The following P2RX5 variants were observed in gnomAD, a reference collection of about 807,000 sequenced individuals.
P2RX5 encodes P2X purinoceptor 5.
P2RX5 carries 46 observed loss-of-function variants against 54.1 expected under a neutral mutation model. That is an observed-to-expected ratio of 0.85 (90% CI 0.67 to 1.09). The LOEUF is 1.09. Ranked by LOEUF, P2RX5 falls within the 50% of genes least tolerant of loss-of-function variation. P2RX5 has a pLI of 0.00. For synonymous variants in P2RX5, 226 were observed against 226.4 expected (o/e 1.00, Z 0.02); for missense variants, 566 against 549.8 (o/e 1.03, Z -0.29).
chr17:3,689,685 C>T, intron 6 of P2RX5, 55 bp from the exon 7 acceptor site: 1 of 1,611,960 alleles, frequency 6.2e-7, no homozygotes, highest in Non-Finnish European at 8.5e-7. Context: ...TGTTTCCCGG[C>T]CTGGCCAGGA....
chr17:3,714,703 T>G, the P2RX5 span: 1 of 542,904 alleles, frequency 1.8e-6, no homozygotes, highest in Non-Finnish European at 3.2e-6. Context: ...CAGACACTTT[T>G]GGGACAATGT....
chr17:3,690,836 T>C (rs2050594374), intron 3 of P2RX5, 120 bp downstream of exon 3: 3 of 1,107,736 alleles, frequency 2.7e-6, no homozygotes, highest in Non-Finnish European at 4.0e-6. Flanking sequence ...CACACCCGGG[T>C]GCACACAGCC....
the P2RX5 span, chr17:3,716,718 C>G: frequency 6.2e-7 from 1 of 1,608,408 alleles, no homozygotes; most frequent in East Asian, 2.2e-5. Flanking sequence ...TCACGATCAA[C>G]ACCAGAAGTC....
At chr17:3,716,747 T>G in the P2RX5 span, 1 of 1,612,228 alleles carries the variant, frequency 6.2e-7, no homozygotes, top group Non-Finnish European at 8.5e-7. Context: ...CTGCCTTTAA[T>G]GATGATAGGC....
At chr17:3,712,405 A>C in the P2RX5 span, among the ~76,000 whole-genome samples, 533 of 152,298 alleles carry the variant, frequency 3.5e-3, 6 homozygotes, top group African/African-American at 0.012. Context: ...CAAGCCCTAG[A>C]AACTACCCAA....
At position 3,688,018 on chromosome 17, in the gene P2RX5, G is replaced by A. The variant is rs746078385; in HGVS notation, c.975C>T (p.Asn325=). 1.8e-5 allele frequency: 28 copies of A among 1,554,318 alleles called. No homozygotes were observed. In the East Asian group the frequency reaches 3.3e-4, roughly 18 times the overall value. The change falls in exon 9 of 12, where the codon AAC becomes AAT. Residue 325 remains asparagine (N), a synonymous_variant. Coordinates refer to ENST00000225328, the MANE Select transcript of P2RX5 (RefSeq NM_002561.4). ...AYGIRFDVMV[N]GKGAFFCDLV... ...CAGGAGAAGGCACACGCACCTTGCC[G>A]TTCACCATCACGTCAAAGCGGATCC... is the stretch of plus-strand genomic sequence containing the variant.
chr17:3,710,882 C>T, the P2RX5 span, among the ~76,000 whole-genome samples: 92 of 152,200 alleles, frequency 6.0e-4, 1 homozygote, highest in Admixed American at 1.3e-3. Flanking sequence ...GAGCCGAGAT[C>T]GCACCACTGC....
upstream of P2RX5, among the ~76,000 whole-genome samples, chr17:3,698,314 G>T (rs2050794276): frequency 6.6e-6 from 1 of 152,108 alleles, no homozygotes; most frequent in South Asian, 2.1e-4. Flanking sequence ...AATTGCATCT[G>T]CCCTGGAGAA....
chr17:3,701,691 T>C, the P2RX5 span, among the ~76,000 whole-genome samples: 1 of 31,458 alleles, frequency 3.2e-5, no homozygotes. Flanking sequence ...TGAAACTCTG[T>C]CTCAGAAAAA....
the P2RX5 span, chr17:3,721,745 C>G: frequency 6.6e-6 from 1 of 152,160 alleles, no homozygotes; most frequent in Non-Finnish European, 1.5e-5. Flanking sequence ...GAAGGCCTCT[C>G]TAAGAAAATA....
intron 11 of P2RX5, chr17:3,677,695 G>C: frequency 1.0e-6 from 1 of 985,350 alleles, no homozygotes; most frequent in Non-Finnish European, 1.2e-6. Flanking sequence ...GGTTAGGTCA[G>C]CATCTCATTT....
At chr17:3,675,896 G>GT in intron 11 of P2RX5, 1 of 985,324 alleles carries the variant, frequency 1.0e-6, no homozygotes, top group South Asian at 4.7e-5. Flanking sequence ...CTTGTTGCAG[G>GT]TTCCCTTCCC....
the P2RX5 span, chr17:3,723,812 C>G: frequency 5.1e-6 from 8 of 1,581,042 alleles, no homozygotes; most frequent in Non-Finnish European, 6.9e-6. Flanking sequence ...CCCGTCCCGG[C>G]CCCGGCCCTG....
chr17:3,720,575 T>A, the P2RX5 span: 1 of 452,622 alleles, frequency 2.2e-6, no homozygotes, highest in Non-Finnish European at 3.8e-6. Flanking sequence ...GCAGTTATTC[T>A]TCAACTTCCT....
chr17:3,723,074 C>A, the P2RX5 span, among the ~76,000 whole-genome samples: 1 of 152,192 alleles, frequency 6.6e-6, no homozygotes. Context: ...AAAGAGGAGT[C>A]ACAGGTAATC....
chr17:3,692,445 A>C (rs534450803), intron 1 of P2RX5, among the ~76,000 whole-genome samples: 1 of 152,314 alleles, frequency 6.6e-6, no homozygotes, highest in African/African-American at 2.4e-5. Flanking sequence ...TCCCATACAT[A>C]ACATGGGGTG....
upstream of P2RX5, among the ~76,000 whole-genome samples, chr17:3,699,917 G>GGAAGGAAGGAAA (rs1555571319): frequency 8.9e-4 from 67 of 75,426 alleles, no homozygotes; most frequent in East Asian, 2.5e-3. Context: ...AAGGAAGGAA[G>GGAAGGAAGGAAA]GAAAGAAAGA....
At chr17:3,676,383 C>T (rs981983925) in intron 11 of P2RX5, 2 of 985,292 alleles carry the variant, frequency 2.0e-6, no homozygotes, top group Non-Finnish European at 2.4e-6. Flanking sequence ...GAGCCTCCTG[C>T]ATTAGTAACA....
chr17:3,721,313 T>C, the P2RX5 span, among the ~76,000 whole-genome samples: 98,924 of 133,656 alleles, frequency 0.74, 37,722 homozygotes, highest in African/African-American at 0.94. Flanking sequence ...ACTCTGTTAC[T>C]CGGGCCGGAA....
Sources: gnomAD v4.1 joint callset for allele counts (sites outside exome capture counted in the v4.1 genomes callset) on GRCh38, gnomAD v4.1.1 for gene constraint, MANE v1.5 for transcripts, NCBI Gene and HGNC (gene_info 2026-07-23, HGNC 2026-07-21) for gene names.